ZDHHC20: variants seen among roughly 807,000 people sequenced by gnomAD.
ZDHHC20 encodes the protein zDHHC palmitoyltransferase 20.
In ZDHHC20, 43 loss-of-function variants were observed where a neutral mutation model predicts 57.8. The ratio of observed to expected loss-of-function variants is 0.74; its 90% CI spans 0.58 to 0.96. The LOEUF (loss-of-function observed/expected upper bound fraction) is 0.96, where lower values mean the gene tolerates loss of function less well. ZDHHC20 is among the 40% of genes least tolerant of loss of function. The pLI is 0.00. For synonymous variants in ZDHHC20, 157 were observed against 153.0 expected (o/e 1.03, Z -0.19); for missense variants, 391 against 441.1 (o/e 0.89, Z 1.02).
intron 1 of ZDHHC20, among the ~76,000 whole-genome samples, chr13:21,438,152 T>C (rs982905443): frequency 3.9e-5 from 6 of 152,242 alleles, no homozygotes; most frequent in Non-Finnish European, 8.8e-5. Flanking sequence ...AACACATCTA[T>C]TCTGCAGCCC....
At chr13:21,393,115 C>T (rs1242745842) in intron 7 of ZDHHC20, among the ~76,000 whole-genome samples, 1 of 151,836 alleles carries the variant, frequency 6.6e-6, no homozygotes, top group Non-Finnish European at 1.5e-5. Context: ...CCATCTATAA[C>T]ATTTTCTCAA....
In ZDHHC20 at chr13:21,387,501, A is replaced by G; in HGVS notation, c.854+7T>C. ...ATAATCTCTGAGACCCACATTTTATAAATTACCTTGAAAATATTGGAAGTA... is the reference window on the plus strand; with the variant it reads ...ATAATCTCTGAGACCCACATTTTATGAATTACCTTGAAAATATTGGAAGTA... On this transcript the variant is annotated splice_region_variant and intron_variant, in intron 9 of 12. Coordinates refer to ENST00000400590, the MANE Select transcript of ZDHHC20 (RefSeq NM_001330059.2). The G allele has an allele frequency of 6.7e-7, 1 of 1,503,002 alleles. No homozygotes were observed. The highest frequency in any genetic ancestry group is 2.5e-5 in the East Asian group (1 of 39,774). 93.1% of individuals were successfully genotyped at this position (1,503,002 alleles called of 1,614,324 possible). A position where few individuals can be genotyped will look rare whatever the true frequency, so the allele number is the denominator to read the frequency against.
At chr13:21,432,073 A>G (rs1882023343) in intron 1 of ZDHHC20, among the ~76,000 whole-genome samples, 2 of 152,054 alleles carry the variant, frequency 1.3e-5, no homozygotes, top group South Asian at 4.1e-4. Context: ...TAGGTTTTAT[A>G]TTTAGGTCTG....
At chr13:21,401,048 C>T (rs935438829) in intron 6 of ZDHHC20, among the ~76,000 whole-genome samples, 3 of 151,864 alleles carry the variant, frequency 2.0e-5, no homozygotes, top group Admixed American at 6.6e-5. Flanking sequence ...GAGGCCAAGG[C>T]GGGTGGACTG....
intron 9 of ZDHHC20, among the ~76,000 whole-genome samples, chr13:21,385,591 A>C (rs1874322353): frequency 6.6e-6 from 1 of 152,234 alleles, no homozygotes; most frequent in African/African-American, 2.4e-5. Flanking sequence ...GATGGACAAA[A>C]TAGCAATGAC....
At chr13:21,439,222 G>A (rs1439216996) in intron 1 of ZDHHC20, among the ~76,000 whole-genome samples, 1 of 152,176 alleles carries the variant, frequency 6.6e-6, no homozygotes, top group Admixed American at 6.5e-5. Flanking sequence ...AACCTTGGCC[G>A]AGTGCAGTGG....
At chr13:21,412,917 G>A (rs1324627795) in intron 4 of ZDHHC20, among the ~76,000 whole-genome samples, 1 of 130,374 alleles carries the variant, frequency 7.7e-6, no homozygotes, top group Non-Finnish European at 1.5e-5. Context: ...GCAGTGAGCT[G>A]AGACTGCACC....
chr13:21,407,890 G>T (rs1182401660), intron 4 of ZDHHC20, among the ~76,000 whole-genome samples: 1 of 152,212 alleles, frequency 6.6e-6, no homozygotes, highest in Non-Finnish European at 1.5e-5. Context: ...TTTCCCCATT[G>T]TTTGTTTTTG....
intron 1 of ZDHHC20, among the ~76,000 whole-genome samples, chr13:21,431,312 A>G (rs192340679): frequency 6.6e-6 from 1 of 152,278 alleles, no homozygotes; most frequent in East Asian, 1.9e-4. Context: ...AAACCATCAG[A>G]TCTCTCTTGA....
intron 8 of ZDHHC20, among the ~76,000 whole-genome samples, chr13:21,388,484 T>C (rs1875011272): frequency 6.6e-6 from 1 of 151,948 alleles, no homozygotes; most frequent in African/African-American, 2.4e-5. Flanking sequence ...TAGAGGAAGG[T>C]GAGAGTGATG....
At chr13:21,409,989 T>G (rs781503393) in intron 4 of ZDHHC20, among the ~76,000 whole-genome samples, 76 of 152,320 alleles carry the variant, frequency 5.0e-4, no homozygotes, top group South Asian at 1.0e-3. Flanking sequence ...TTTCAGCCTT[T>G]TTGCACTGGT....
intron 1 of ZDHHC20, among the ~76,000 whole-genome samples, chr13:21,433,857 C>A (rs1882266173): frequency 1.3e-5 from 2 of 152,050 alleles, no homozygotes; most frequent in Admixed American, 1.3e-4. Context: ...TAGACTTATC[C>A]CTAAAATATT....
intron 1 of ZDHHC20, among the ~76,000 whole-genome samples, chr13:21,446,362 C>T (rs1478063721): frequency 6.6e-6 from 1 of 152,178 alleles, no homozygotes; most frequent in Non-Finnish European, 1.5e-5. Context: ...GGTATTATTT[C>T]CTTCAGATGC....
chr13:21,405,454 G>T (rs1243479657), intron 4 of ZDHHC20, among the ~76,000 whole-genome samples: 2 of 152,124 alleles, frequency 1.3e-5, no homozygotes, highest in Admixed American at 1.3e-4. Context: ...ACATAAGAAA[G>T]CCAAGTTCTG....
intron 1 of ZDHHC20, among the ~76,000 whole-genome samples, chr13:21,458,479 G>C (rs1008819374): frequency 6.6e-6 from 1 of 151,812 alleles, no homozygotes; most frequent in South Asian, 2.1e-4. Context: ...ACAATGAGTC[G>C]AGTACCACCA....
intron 3 of ZDHHC20, among the ~76,000 whole-genome samples, chr13:21,414,561 C>T (rs1294537092): frequency 2.1e-4 from 15 of 71,662 alleles, no homozygotes; most frequent in Middle Eastern, 9.1e-3. Flanking sequence ...TTAGTAGAGG[C>T]GAGGTTTCAC....
chr13:21,395,576 A>C (rs1876650931), intron 7 of ZDHHC20, among the ~76,000 whole-genome samples: 1 of 138,150 alleles, frequency 7.2e-6, no homozygotes, highest in Non-Finnish European at 1.5e-5. Context: ...ATCTTGGCTC[A>C]CTGGAACCTC....
At chr13:21,396,832 C>CA (rs34868405) in intron 7 of ZDHHC20, among the ~76,000 whole-genome samples, 77 of 73,366 alleles carry the variant, frequency 1.0e-3, no homozygotes, top group African/African-American at 2.2e-3. Flanking sequence ...GACTCTGTCT[C>CA]AAAAAAAAAA....
At chr13:21,388,877 G>A (rs780282390) in intron 8 of ZDHHC20, among the ~76,000 whole-genome samples, 1 of 152,152 alleles carries the variant, frequency 6.6e-6, no homozygotes, top group Non-Finnish European at 1.5e-5. Flanking sequence ...GATGTAAGGA[G>A]CTGTTTTTGT....
Sources: gnomAD v4.1 joint callset for allele counts (sites outside exome capture counted in the v4.1 genomes callset) on GRCh38, gnomAD v4.1.1 for gene constraint, MANE v1.5 for transcripts, NCBI Gene and HGNC (gene_info 2026-07-23, HGNC 2026-07-21) for gene names.